Variants in CCDC172 observed in about 807,000 individuals in gnomAD.
The protein encoded by CCDC172 is coiled-coil domain containing 172.
A neutral mutation model predicts 38.0 loss-of-function variants in CCDC172; 30 were observed. That is an observed-to-expected ratio of 0.79 (90% CI 0.59 to 1.07). The LOEUF is 1.07. Ranked by LOEUF, CCDC172 falls within the 50% of genes least tolerant of loss-of-function variation. The pLI is 0.00. For missense variants in CCDC172, 297 were observed against 290.1 expected (o/e 1.02, Z -0.17); for synonymous variants, 78 against 88.3 (o/e 0.88, Z 0.66).
At chr10:116,325,984 G>A (rs781498598) in intron 3 of CCDC172, among the ~76,000 whole-genome samples, 40 of 152,202 alleles carry the variant, frequency 2.6e-4, no homozygotes, top group Non-Finnish European at 5.7e-4. Context: ...TAGGAGGAAA[G>A]CGTTCCAGAC....
intron 7 of CCDC172, among the ~76,000 whole-genome samples, chr10:116,372,101 T>C (rs934401992): frequency 1.3e-5 from 2 of 152,142 alleles, no homozygotes; most frequent in African/African-American, 2.4e-5. Context: ...GTTAGATGTT[T>C]ATTTCCCTAT....
intron 3 of CCDC172, among the ~76,000 whole-genome samples, chr10:116,339,755 T>C (rs543037028): frequency 6.6e-6 from 1 of 152,026 alleles, no homozygotes; most frequent in South Asian, 2.1e-4. Context: ...AGCCATAATA[T>C]TTCAAACTGT....
chr10:116,367,648 G>A (rs11817785), intron 7 of CCDC172, among the ~76,000 whole-genome samples: 1 of 151,694 alleles, frequency 6.6e-6, no homozygotes, highest in South Asian at 2.1e-4. Context: ...GTGACAGAGC[G>A]AGACTCTGTC....
chr10:116,337,993 G>A (rs972405210), intron 3 of CCDC172, among the ~76,000 whole-genome samples: 10 of 152,198 alleles, frequency 6.6e-5, no homozygotes, highest in Admixed American at 3.9e-4. Flanking sequence ...ATAGGAGACT[G>A]TGAAAAGCTA....
rs187233594 is a variant in CCDC172, at chr10:116,354,268, A to T, written c.449-3112A>T. On this transcript the variant is annotated intron_variant, in intron 5 of 8. Transcript: ENST00000333254. ...TAATACTTGCTAAAGATAATAAATG[A>T]CTATGTCACTGGTTTATGTATTATT... Among the ~76,000 whole-genome samples the T allele has an allele frequency of 1.1e-3, 163 of 152,230 alleles. 1 individual carries two copies. The highest frequency in any genetic ancestry group is 1.4e-3 in the Admixed American group (21 of 15,288).
chr10:116,351,012 A>G (rs1844924927), intron 5 of CCDC172, among the ~76,000 whole-genome samples: 1 of 152,140 alleles, frequency 6.6e-6, no homozygotes, highest in South Asian at 2.1e-4. Context: ...AGAAATTGGC[A>G]TATTTGTTTT....
chr10:116,356,255 G>C (rs1043466471), intron 5 of CCDC172, among the ~76,000 whole-genome samples: 3 of 151,810 alleles, frequency 2.0e-5, no homozygotes, highest in Non-Finnish European at 4.4e-5. Context: ...GCTTGAACCC[G>C]GGAGGCAAAA....
At chr10:116,327,936 A>T (rs1844611056) in intron 3 of CCDC172, among the ~76,000 whole-genome samples, 1 of 152,106 alleles carries the variant, frequency 6.6e-6, no homozygotes, top group Non-Finnish European at 1.5e-5. Context: ...ATTTACTTGA[A>T]TATTTGACTT....
intron 3 of CCDC172, among the ~76,000 whole-genome samples, chr10:116,326,531 T>TCGAA (rs1844595166): frequency 6.6e-6 from 1 of 152,208 alleles, no homozygotes; most frequent in Admixed American, 6.5e-5. Flanking sequence ...AGAACACTTC[T>TCGAA]CCATCTGGCG....
chr10:116,371,565 ACT>A (rs1402427621), intron 7 of CCDC172, among the ~76,000 whole-genome samples: 1 of 152,030 alleles, frequency 6.6e-6, no homozygotes, highest in East Asian at 1.9e-4. Context: ...AAAGAAATTC[ACT>A]GTTTTCCTTA....
chr10:116,365,628 C>T (rs1047567707), intron 7 of CCDC172, among the ~76,000 whole-genome samples: 10 of 152,054 alleles, frequency 6.6e-5, no homozygotes, highest in African/African-American at 2.4e-4. Flanking sequence ...AGTAATTTAT[C>T]TTTCCTTATT....
chr10:116,326,062 T>C (rs531926568), intron 3 of CCDC172, among the ~76,000 whole-genome samples: 9 of 152,216 alleles, frequency 5.9e-5, no homozygotes, highest in East Asian at 3.9e-4. Flanking sequence ...AGGGCTGATA[T>C]CTGGGAATAG....
intron 1 of CCDC172, 70 bp from the exon 2 acceptor site, chr10:116,324,877 C>T (rs555041415): frequency 9.8e-6 from 7 of 713,464 alleles, no homozygotes; most frequent in South Asian, 3.5e-5. Flanking sequence ...GGGCTGGCGA[C>T]AGAGGGTTGG....
chr10:116,339,291 A>G (rs1004350992), intron 3 of CCDC172, among the ~76,000 whole-genome samples: 8 of 151,988 alleles, frequency 5.3e-5, no homozygotes, highest in Admixed American at 4.6e-4. Flanking sequence ...AATTAGTTAT[A>G]TAGCCTTTGT....
At chr10:116,341,091 A>G (rs1844788369) in intron 4 of CCDC172, among the ~76,000 whole-genome samples, 1 of 152,028 alleles carries the variant, frequency 6.6e-6, no homozygotes, top group Admixed American at 6.6e-5. Context: ...CAAAAGAAAC[A>G]GTGGAACTGA....
chr10:116,374,921 T>C (rs1267796258), intron 7 of CCDC172, among the ~76,000 whole-genome samples: 1 of 151,742 alleles, frequency 6.6e-6, no homozygotes, highest in Non-Finnish European at 1.5e-5. Context: ...GAAAGCAATA[T>C]CCTGTACTAG....
chr10:116,350,910 C>T (rs1260104519), intron 5 of CCDC172, among the ~76,000 whole-genome samples: 1 of 151,882 alleles, frequency 6.6e-6, no homozygotes, highest in Admixed American at 6.6e-5. Context: ...ATAAAAATAA[C>T]AATAAAATAA....
At chr10:116,341,618 G>T (rs1844796091) in intron 4 of CCDC172, among the ~76,000 whole-genome samples, 1 of 150,690 alleles carries the variant, frequency 6.6e-6, no homozygotes, top group Non-Finnish European at 1.5e-5. Context: ...GGCTATCCTT[G>T]TTTGTTTGTT....
At chr10:116,338,389 G>A (rs1157248418) in intron 3 of CCDC172, among the ~76,000 whole-genome samples, 1 of 151,898 alleles carries the variant, frequency 6.6e-6, no homozygotes, top group Admixed American at 6.6e-5. Context: ...AAATATGGAA[G>A]TAAACAATAA....
Sources: allele counts gnomAD v4.1 joint callset (sites outside exome capture counted in the v4.1 genomes callset), GRCh38; gene constraint gnomAD v4.1.1; transcripts MANE v1.5; gene names NCBI Gene and HGNC (gene_info 2026-07-23, HGNC 2026-07-21).